The following MTUS2 variants were observed in gnomAD, a reference collection of about 807,000 sequenced individuals.
MTUS2 encodes the protein microtubule associated scaffold protein 2.
In MTUS2, 40 loss-of-function variants were observed where a neutral mutation model predicts 114.1. The observed-to-expected ratio is 0.35, with a 90% CI of 0.27 to 0.46. The LOEUF is 0.46. MTUS2 is among the 20% of genes least tolerant of loss of function. MTUS2 has a pLI of 1.00. For synonymous variants in MTUS2, 688 were observed against 672.0 expected (o/e 1.02, Z -0.37); for missense variants, 1,679 against 1,705.4 (o/e 0.98, Z 0.27).
chr13:28,889,358 C>G (rs930002131), intron 2 of MTUS2, among the ~76,000 whole-genome samples: 4 of 152,202 alleles, frequency 2.6e-5, no homozygotes, highest in African/African-American at 7.2e-5. Context: ...GTAGCATTTT[C>G]TCTTCTGTGC....
rs531805413 is a variant in MTUS2, at chr13:28,843,678, C to T, written c.-243+3828C>T. On this transcript the variant is annotated intron_variant, in intron 2 of 15. Transcript: ENST00000612955. Reference sequence around the variant, plus strand: ...TTATTAAATGATGCATAAGACTGTGCAATTTACCCTGCACCAATCTCTTGT... The same window carrying T: ...TTATTAAATGATGCATAAGACTGTGTAATTTACCCTGCACCAATCTCTTGT... 1.1e-3 allele frequency among the ~76,000 whole-genome samples: 170 copies of T among 152,296 alleles called. 1 individual carries two copies. Among genetic ancestry groups the T allele is most frequent in the African/African-American group, 3.9e-3 (164 of 41,562 alleles).
chr13:29,491,773 G>A (rs1462910824), intron 11 of MTUS2, among the ~76,000 whole-genome samples: 2 of 147,772 alleles, frequency 1.4e-5, no homozygotes, highest in Non-Finnish European at 3.0e-5. Flanking sequence ...TGTGTGTGAT[G>A]TATGTATGTG....
Position 28,907,706 on chromosome 13 carries a change from T to C in MTUS2, c.-243+67856T>C, listed in dbSNP as rs144807706. Among the ~76,000 whole-genome samples, 199 of 151,644 alleles carry C rather than the reference T, an allele frequency of 1.3e-3. 8 individuals carry two copies. The highest frequency in any genetic ancestry group is 3.7e-3 in the African/African-American group (152 of 41,142). ...TCAATTCAACAAAAAGAGCTAACTA[T>C]CCTAAATATATATGCACCCAATACA... On this transcript the variant is annotated intron_variant, in intron 2 of 15. Transcript: ENST00000612955.
At chr13:28,888,263 A>G (rs1314960739) in intron 2 of MTUS2, among the ~76,000 whole-genome samples, 3 of 152,202 alleles carry the variant, frequency 2.0e-5, no homozygotes, top group Non-Finnish European at 2.9e-5. Flanking sequence ...ACTAAATAGC[A>G]TTTTATGAAT....
At chr13:28,915,620 C>T (rs1304698855) in intron 2 of MTUS2, among the ~76,000 whole-genome samples, 1 of 151,918 alleles carries the variant, frequency 6.6e-6, no homozygotes, top group Non-Finnish European at 1.5e-5. Flanking sequence ...TGATTCAGGT[C>T]TTTTGCCCAT....
At chr13:29,257,795 T>G (rs1414223662) in intron 5 of MTUS2, among the ~76,000 whole-genome samples, 1 of 152,204 alleles carries the variant, frequency 6.6e-6, no homozygotes, top group Non-Finnish European at 1.5e-5. Flanking sequence ...AGGAGAAAAC[T>G]TAGATTCAAA....
chr13:28,922,270 A>G (rs1413758447), intron 2 of MTUS2, among the ~76,000 whole-genome samples: 2 of 152,112 alleles, frequency 1.3e-5, no homozygotes, highest in Non-Finnish European at 2.9e-5. Context: ...TGAGTCAATT[A>G]AGCCTTTTTT....
At chr13:29,104,945 C>T (rs1890591479) in intron 5 of MTUS2, among the ~76,000 whole-genome samples, 1 of 152,100 alleles carries the variant, frequency 6.6e-6, no homozygotes, top group Non-Finnish European at 1.5e-5. Context: ...AATGACCGTA[C>T]TATAGAATTT....
intron 11 of MTUS2, among the ~76,000 whole-genome samples, chr13:29,491,621 GTA>G (rs1882096248): frequency 3.3e-5 from 5 of 149,538 alleles, no homozygotes; most frequent in Admixed American, 2.7e-4. Flanking sequence ...TATAGTGTGT[GTA>G]TGTGATTAGT....
chr13:29,139,450 G>C (rs1286349976), intron 5 of MTUS2, among the ~76,000 whole-genome samples: 6 of 152,068 alleles, frequency 3.9e-5, no homozygotes, highest in Non-Finnish European at 7.4e-5. Flanking sequence ...GTTTGGTAGT[G>C]GTTCTAAAAC....
intron 9 of MTUS2, among the ~76,000 whole-genome samples, chr13:29,446,642 A>T (rs1167263900): frequency 2.0e-5 from 3 of 152,212 alleles, no homozygotes; most frequent in Non-Finnish European, 4.4e-5. Context: ...TCTCAAAAGC[A>T]CTGACTGATA....
intron 8 of MTUS2, among the ~76,000 whole-genome samples, chr13:29,361,650 A>G (rs925618138): frequency 1.7e-4 from 26 of 152,174 alleles, no homozygotes; most frequent in African/African-American, 5.8e-4. Flanking sequence ...ACCTTCAACA[A>G]TGGAGCCCTT....
At chr13:29,288,498 T>C (rs1898579980) in intron 6 of MTUS2, among the ~76,000 whole-genome samples, 2 of 152,070 alleles carry the variant, frequency 1.3e-5, no homozygotes, top group South Asian at 4.1e-4. Context: ...AATTCTTGCT[T>C]TTTAGAATGA....
At chr13:28,947,583 T>C (rs1160895423) in intron 2 of MTUS2, among the ~76,000 whole-genome samples, 1 of 152,196 alleles carries the variant, frequency 6.6e-6, no homozygotes, top group Admixed American at 6.5e-5. Context: ...GGAAACAAAT[T>C]ATAAGCGAGC....
chr13:29,030,057 A>C (rs2138505201), intron 3 of MTUS2, among the ~76,000 whole-genome samples: 1 of 152,098 alleles, frequency 6.6e-6, no homozygotes, highest in African/African-American at 2.4e-5. Flanking sequence ...GTAGGCCCAA[A>C]CCCCACATTG....
intron 5 of MTUS2, among the ~76,000 whole-genome samples, chr13:29,256,216 C>T (rs1427954613): frequency 6.6e-6 from 1 of 152,176 alleles, no homozygotes; most frequent in Non-Finnish European, 1.5e-5. Flanking sequence ...AGAGCTTATC[C>T]CAATGGTGGT....
intron 4 of MTUS2, among the ~76,000 whole-genome samples, chr13:29,090,423 G>A (rs1889888519): frequency 1.3e-5 from 2 of 152,200 alleles, no homozygotes; most frequent in Admixed American, 6.5e-5. Flanking sequence ...GGGTCGTGGG[G>A]GCTGCAGGAG....
intron 2 of MTUS2, among the ~76,000 whole-genome samples, chr13:28,901,500 TA>T (rs1879640599): frequency 6.6e-6 from 1 of 152,250 alleles, no homozygotes; most frequent in African/African-American, 2.4e-5. Context: ...GTCTCACATG[TA>T]AGTAGTCCAT....
chr13:29,345,044 G>A (rs1868529645), intron 7 of MTUS2, among the ~76,000 whole-genome samples: 1 of 152,150 alleles, frequency 6.6e-6, no homozygotes, highest in African/African-American at 2.4e-5. Flanking sequence ...TCTGATAGAT[G>A]TTCCTTTATA....
Sources: gnomAD v4.1 joint callset for allele counts (sites outside exome capture counted in the v4.1 genomes callset) on GRCh38, gnomAD v4.1.1 for gene constraint, MANE v1.5 for transcripts, NCBI Gene and HGNC (gene_info 2026-07-23, HGNC 2026-07-21) for gene names.